FAM227B: variants seen among roughly 807,000 people sequenced by gnomAD.
FAM227B encodes family with sequence similarity 227 member B.
A neutral mutation model predicts 73.8 loss-of-function variants in FAM227B; 88 were observed. The ratio of observed to expected loss-of-function variants is 1.19; its 90% CI spans 1.00 to 1.42. The LOEUF (loss-of-function observed/expected upper bound fraction) is 1.42. Ranked by LOEUF, FAM227B falls within the 40% of genes most tolerant of loss-of-function variation. The pLI, the probability that FAM227B is intolerant of heterozygous loss-of-function variation, is 0.00. For missense variants in FAM227B, 632 were observed against 590.9 expected, an observed-to-expected ratio of 1.07 and a Z score of -0.72; for synonymous variants, 210 against 190.5, an observed-to-expected ratio of 1.10 and a Z score of -0.84.
chr15:49,567,548 T>C (rs980820052), intron 9 of FAM227B, among the ~76,000 whole-genome samples: 1 of 152,184 alleles, frequency 6.6e-6, no homozygotes, highest in African/African-American at 2.4e-5. Context: ...ATATTCATCA[T>C]GAAAGACACC....
At chr15:49,600,246 C>A (rs1485337833) in intron 3 of FAM227B, among the ~76,000 whole-genome samples, 1 of 152,108 alleles carries the variant, frequency 6.6e-6, no homozygotes, top group Admixed American at 6.5e-5. Context: ...TCTTTTATTA[C>A]CATTGCATAA....
At chr15:49,530,071 G>A (rs1327828179) in intron 10 of FAM227B, among the ~76,000 whole-genome samples, 1 of 151,562 alleles carries the variant, frequency 6.6e-6, no homozygotes, top group Non-Finnish European at 1.5e-5. Flanking sequence ...TTTTACTATT[G>A]ACTGTCTAGA....
In FAM227B at chr15:49,342,569, G is replaced by A. The variant is rs571513761; in HGVS notation, c.1272-7073C>T. On this transcript the variant is annotated intron_variant, in intron 13 of 15. Coordinates refer to ENST00000299338, the MANE Select transcript of FAM227B (RefSeq NM_152647.3). ...TAATATGTGAGGCTTTGGTGCTATC[G>A]TGAAGTTGTTAGCTGGTTGCTTTGT... Among the ~76,000 whole-genome samples, 9 of 152,256 alleles carry A rather than the reference G, an allele frequency of 5.9e-5. No homozygotes were observed. The South Asian group carries it at 1.5e-3, about 25-fold the overall frequency.
intron 11 of FAM227B, among the ~76,000 whole-genome samples, chr15:49,498,819 T>G (rs1187059258): frequency 2.0e-5 from 3 of 152,298 alleles, no homozygotes; most frequent in Admixed American, 6.5e-5. Context: ...AGGGTTGCTA[T>G]TCTTATATCA....
At chr15:49,534,435 A>C (rs1266527794) in intron 10 of FAM227B, among the ~76,000 whole-genome samples, 2 of 151,898 alleles carry the variant, frequency 1.3e-5, no homozygotes, top group Non-Finnish European at 2.9e-5. Context: ...AACAATTAAA[A>C]GTATATATGC....
intron 9 of FAM227B, among the ~76,000 whole-genome samples, chr15:49,550,385 G>A (rs1464831520): frequency 2.1e-5 from 3 of 145,414 alleles, no homozygotes; most frequent in Non-Finnish European, 3.0e-5. Context: ...GGCGGGGGCT[G>A]ACCCCCACCT....
At chr15:49,501,915 T>C (rs1200946986) in intron 11 of FAM227B, among the ~76,000 whole-genome samples, 6 of 152,226 alleles carry the variant, frequency 3.9e-5, no homozygotes, top group Admixed American at 2.0e-4. Flanking sequence ...GCTGCTTCAG[T>C]TCTAGCTGGG....
In FAM227B at chr15:49,615,213, C is replaced by CA; in HGVS notation, c.-43_-42insT. The CA allele has an allele frequency of 6.3e-7, 1 of 1,596,288 alleles. No homozygotes were observed. Among genetic ancestry groups the CA allele is most frequent in the Non-Finnish European group, 8.6e-7 (1 of 1,163,786 alleles). On this transcript the variant is annotated 5_prime_UTR_variant, in exon 2 of 16. It adds an upstream start codon to the 5' untranslated region. Transcript: ENST00000299338. The stretch of plus-strand genomic sequence containing the variant: ...AGAAATGAAGAGAAATCAGCTGGGT[C>CA]TTAGGCTTCAATGTGAGTTGGGCGA...
intron 12 of FAM227B, 116 bp downstream of exon 12, chr15:49,371,186 C>T (rs536659902): frequency 3.0e-5 from 15 of 505,516 alleles, no homozygotes; most frequent in Non-Finnish European, 5.3e-5. Flanking sequence ...AATTCTTTTC[C>T]AAAATATATG....
intron 11 of FAM227B, among the ~76,000 whole-genome samples, chr15:49,381,103 A>T (rs1401993803): frequency 2.0e-5 from 3 of 152,114 alleles, no homozygotes; most frequent in Non-Finnish European, 2.9e-5. Flanking sequence ...ACAACTGATC[A>T]ACTGATCTCA....
Position 49,328,679 on chromosome 15 carries a change from T to A in FAM227B, c.1420-4A>T. On this transcript the variant is annotated splice_polypyrimidine_tract_variant and splice_region_variant and intron_variant, in intron 15 of 15. Coordinates refer to ENST00000299338, the MANE Select transcript of FAM227B (RefSeq NM_152647.3). ...TCTCAATTTCAGCTTCGGAACGCTA[T>A]GAAAATAATACATGATTAAAGTTTC... 1 of 1,553,790 alleles carries A rather than the reference T, an allele frequency of 6.4e-7. No individual in the cohort carries two copies. The highest frequency in any genetic ancestry group is 2.4e-5 in the East Asian group (1 of 41,390).
chr15:49,424,141 T>A, intron 11 of FAM227B: 1 of 603,082 alleles, frequency 1.7e-6, no homozygotes, highest in Non-Finnish European at 2.9e-6. Context: ...TATCAGGAAC[T>A]AAAAGGATAA....
chr15:49,372,817 C>A (rs2045933414), intron 11 of FAM227B, among the ~76,000 whole-genome samples: 1 of 151,860 alleles, frequency 6.6e-6, no homozygotes, highest in African/African-American at 2.4e-5. Flanking sequence ...GATGACAAAC[C>A]TTTTAAGAGT....
At chr15:49,387,046 C>T (rs1362013431) in intron 11 of FAM227B, among the ~76,000 whole-genome samples, 1 of 151,754 alleles carries the variant, frequency 6.6e-6, no homozygotes, top group African/African-American at 2.4e-5. Context: ...GATGGATTCA[C>T]ACCTGAATTC....
chr15:49,620,614 T>C (rs902015016), intron 1 of FAM227B, 86 bp downstream of exon 1: 3 of 152,226 alleles, frequency 2.0e-5, no homozygotes, highest in African/African-American at 2.4e-5. Context: ...GAAAGACTAA[T>C]GTAACCAAGT....
At chr15:49,549,318 T>C (rs1045062576) in intron 9 of FAM227B, among the ~76,000 whole-genome samples, 2 of 95,438 alleles carry the variant, frequency 2.1e-5, no homozygotes, top group Non-Finnish European at 4.5e-5. Flanking sequence ...GATTTGCATA[T>C]GTATTTTATT....
At position 49,348,299 on chromosome 15, in the gene FAM227B, G is replaced by A. The variant is rs932471427; in HGVS notation, c.1272-12803C>T. 5.3e-5 allele frequency among the ~76,000 whole-genome samples: 8 copies of A among 152,078 alleles called. No individual in the cohort carries two copies. In the South Asian group the frequency reaches 1.0e-3, roughly 20 times the overall value. On this transcript the variant is annotated intron_variant, in intron 13 of 15. Transcript: ENST00000299338. ...TATTCCAAATAAATATACAAACTTC[G>A]GGTTTGCTTTGCAAATACATGTTCA...
chr15:49,415,241 A>C (rs2049133181), intron 11 of FAM227B, among the ~76,000 whole-genome samples: 1 of 152,174 alleles, frequency 6.6e-6, no homozygotes, highest in Non-Finnish European at 1.5e-5. Flanking sequence ...TTCATGTAGA[A>C]CCAAATAATG....
At chr15:49,419,283 A>G (rs977618405) in intron 11 of FAM227B, among the ~76,000 whole-genome samples, 8 of 152,170 alleles carry the variant, frequency 5.3e-5, no homozygotes, top group African/African-American at 9.6e-5. Flanking sequence ...AATTTTCTCT[A>G]TGCTCCCAGG....
Sources: gnomAD v4.1 joint callset for allele counts (sites outside exome capture counted in the v4.1 genomes callset) on GRCh38, gnomAD v4.1.1 for gene constraint, MANE v1.5 for transcripts, NCBI Gene and HGNC (gene_info 2026-07-23, HGNC 2026-07-21) for gene names.